Variants in TRPM3 observed in about 807,000 individuals in gnomAD.
The protein encoded by TRPM3 is long transient receptor potential channel 3.
In TRPM3, 77 loss-of-function variants were observed where a neutral mutation model predicts 181.2. That is an observed-to-expected ratio of 0.42 (90% CI 0.35 to 0.51). TRPM3 has a LOEUF of 0.51. Ranked by LOEUF, TRPM3 falls within the 20% of genes least tolerant of loss-of-function variation. The pLI is 0.01. For synonymous variants in TRPM3, 745 were observed against 796.4 expected (o/e 0.94, Z 1.09); for missense variants, 1,759 against 2,196.7 (o/e 0.80, Z 3.98).
intron 1 of TRPM3, among the ~76,000 whole-genome samples, chr9:71,179,882 C>T (rs1351267145): frequency 6.6e-6 from 1 of 152,010 alleles, no homozygotes; most frequent in Non-Finnish European, 1.5e-5. Flanking sequence ...GTTAGTGGTT[C>T]ACATGACTGC....
chr9:71,232,929 C>T (rs765758796), intron 1 of TRPM3, among the ~76,000 whole-genome samples: 6 of 152,210 alleles, frequency 3.9e-5, no homozygotes, highest in African/African-American at 2.4e-5. Context: ...CGTTTTCACA[C>T]TGCTTCACTG....
intron 1 of TRPM3, among the ~76,000 whole-genome samples, chr9:71,112,197 A>G (rs1189841597): frequency 2.0e-5 from 3 of 152,166 alleles, no homozygotes; most frequent in African/African-American, 7.2e-5. Flanking sequence ...TATTTTATCT[A>G]TTTTACAATG....
chr9:71,178,046 G>A (rs1473727230), intron 1 of TRPM3, among the ~76,000 whole-genome samples: 1 of 151,538 alleles, frequency 6.6e-6, no homozygotes, highest in East Asian at 1.9e-4. Flanking sequence ...AAGCTTAGTA[G>A]GTTTTAGGAT....
At chr9:71,301,364 A>G (rs561561143) in intron 1 of TRPM3, among the ~76,000 whole-genome samples, 1 of 152,240 alleles carries the variant, frequency 6.6e-6, no homozygotes, top group East Asian at 1.9e-4. Context: ...AGGAGGGAAA[A>G]CTGATGCTTT....
intron 1 of TRPM3, among the ~76,000 whole-genome samples, chr9:71,349,921 T>C (rs908891827): frequency 6.6e-6 from 1 of 150,888 alleles, no homozygotes; most frequent in African/African-American, 2.4e-5. Flanking sequence ...TCATTGTAAG[T>C]GCATATATAT....
chr9:70,793,625 G>C (rs1174421866), intron 6 of TRPM3: 3 of 470,430 alleles, frequency 6.4e-6, no homozygotes, highest in Non-Finnish European at 8.8e-6. Flanking sequence ...CTGCCACTCT[G>C]CTTGCTCTAA....
At chr9:71,122,934 A>T (rs1167660655), upstream of TRPM3, among the ~76,000 whole-genome samples, 18 of 152,240 alleles carry the variant, frequency 1.2e-4, no homozygotes, top group Non-Finnish European at 2.9e-5. Flanking sequence ...GATTGAAGGC[A>T]GTATTAAAAT....
chr9:70,641,576 G>T (rs1248580189), intron 9 of TRPM3, among the ~76,000 whole-genome samples: 1 of 152,184 alleles, frequency 6.6e-6, no homozygotes, highest in African/African-American at 2.4e-5. Flanking sequence ...GAGCTGTGCG[G>T]TTCACAGGTG....
At chr9:70,970,299 G>A (rs1199422618) in intron 1 of TRPM3, among the ~76,000 whole-genome samples, 1 of 152,116 alleles carries the variant, frequency 6.6e-6, no homozygotes, top group Non-Finnish European at 1.5e-5. Context: ...AGGAGGTTGG[G>A]TAAATCAAGA....
At chr9:70,647,135 C>T (rs915710419) in intron 9 of TRPM3, among the ~76,000 whole-genome samples, 1 of 152,062 alleles carries the variant, frequency 6.6e-6, no homozygotes, top group Admixed American at 6.6e-5. Context: ...TGGTACCAAT[C>T]CTACTGAAAA....
chr9:70,888,328 T>A (rs1434124583), intron 1 of TRPM3, among the ~76,000 whole-genome samples: 1 of 150,904 alleles, frequency 6.6e-6, no homozygotes, highest in Non-Finnish European at 1.5e-5. Context: ...TTAATGGGAG[T>A]TAGGAGTATT....
rs190601749 is a variant in TRPM3 at position 70,554,552 on chromosome 9, G to A, written c.3224-1242C>T. ...CTGGCTGCCCTGGGGATCACCTGGC[G>A]AGCTCTAAAAAATACCAATGCCCAG... On this transcript the variant is annotated intron_variant, in intron 22 of 25. Coordinates refer to ENST00000677713, the MANE Select transcript of TRPM3 (RefSeq NM_001366145.2). Among the ~76,000 whole-genome samples the A allele has an allele frequency of 1.6e-3, 247 of 152,194 alleles. 3 individuals carry two copies. The highest frequency in any genetic ancestry group is 5.8e-3 in the African/African-American group (240 of 41,522).
chr9:70,959,164 A>T (rs565898503), intron 1 of TRPM3, among the ~76,000 whole-genome samples: 10 of 152,066 alleles, frequency 6.6e-5, no homozygotes, highest in Non-Finnish European at 1.0e-4. Flanking sequence ...AATAATAAAA[A>T]AAAGAAAAAA....
At chr9:71,430,432 G>C (rs1204548783) in intron 1 of TRPM3, among the ~76,000 whole-genome samples, 1 of 152,160 alleles carries the variant, frequency 6.6e-6, no homozygotes. Flanking sequence ...AGCAGCAAAA[G>C]GCAACATGTC....
intron 1 of TRPM3, among the ~76,000 whole-genome samples, chr9:71,140,804 C>T (rs1036245496): frequency 6.6e-6 from 1 of 152,102 alleles, no homozygotes; most frequent in African/African-American, 2.4e-5. Context: ...TAGTAATATA[C>T]TTTATAAATG....
intron 1 of TRPM3, among the ~76,000 whole-genome samples, chr9:71,060,868 T>C (rs1372250179): frequency 7.2e-5 from 11 of 152,096 alleles, no homozygotes. Flanking sequence ...TCAAGCTACT[T>C]ATACTTACCT....
chr9:71,387,383 C>G (rs1449845113), intron 1 of TRPM3, among the ~76,000 whole-genome samples: 1 of 152,072 alleles, frequency 6.6e-6, no homozygotes, highest in Non-Finnish European at 1.5e-5. Flanking sequence ...CAGGGAAGGA[C>G]CTAGTGTTTA....
chr9:71,161,083 C>T (rs2076253241), intron 1 of TRPM3, among the ~76,000 whole-genome samples: 1 of 152,290 alleles, frequency 6.6e-6, no homozygotes, highest in East Asian at 1.9e-4. Context: ...TTATACCAAG[C>T]TTCTCCATCA....
At chr9:71,331,801 G>GC (rs2090158948) in intron 1 of TRPM3, among the ~76,000 whole-genome samples, 1 of 13,602 alleles carries the variant, frequency 7.4e-5, no homozygotes, top group Non-Finnish European at 2.0e-4. Context: ...GGAGAGGGAG[G>GC]AGAAAGACGA....
Sources: allele counts gnomAD v4.1 joint callset (sites outside exome capture counted in the v4.1 genomes callset), GRCh38; gene constraint gnomAD v4.1.1; transcripts MANE v1.5; gene names NCBI Gene and HGNC (gene_info 2026-07-23, HGNC 2026-07-21).